Variants in PIEZO2 observed in about 807,000 individuals in gnomAD.
PIEZO2 encodes piezo-type mechanosensitive ion channel component 2.
In PIEZO2, 172 loss-of-function variants were observed where a neutral mutation model predicts 337.3. That is an observed-to-expected ratio of 0.51 (90% CI 0.45 to 0.58). PIEZO2 has a LOEUF of 0.58. Ranked by LOEUF, PIEZO2 falls within the 20% of genes least tolerant of loss-of-function variation. The pLI, the probability that PIEZO2 is intolerant of heterozygous loss-of-function variation, is 0.00. For missense variants in PIEZO2, 3,028 were observed against 3,391.3 expected, an observed-to-expected ratio of 0.89 and a Z score of 2.66; for synonymous variants, 1,251 against 1,228.5, an observed-to-expected ratio of 1.02 and a Z score of -0.38.
intron 2 of PIEZO2, among the ~76,000 whole-genome samples, chr18:11,045,164 GC>G (rs774107666): frequency 1.3e-5 from 2 of 151,636 alleles, no homozygotes; most frequent in Non-Finnish European, 2.9e-5. Context: ...GGGCATGGTG[GC>G]AGGCGACTGT....
At chr18:10,694,638 C>T (rs940898913) in intron 47 of PIEZO2, among the ~76,000 whole-genome samples, 1 of 152,098 alleles carries the variant, frequency 6.6e-6, no homozygotes, top group African/African-American at 2.4e-5. Context: ...TGAGACCAGC[C>T]TGGGTAACAT....
rs1361438041 is a variant in PIEZO2, at chr18:11,038,684, A to G, written c.160+27443T>C. Among the ~76,000 whole-genome samples, 2 of 152,220 alleles carry G rather than the reference A, an allele frequency of 1.3e-5. No homozygotes were observed. The highest frequency in any genetic ancestry group is 2.1e-4 in the South Asian group (1 of 4,832). The stretch of plus-strand genomic sequence containing the variant: ...CTCTACTGGCCCTACCACTTGCTTA[A>G]TAAGTGTTCTTGGGTAAATTATGTA... On this transcript the variant is annotated intron_variant, in intron 2 of 55. Transcript: ENST00000674853. This position sits in a 1 kb window ranked among gnomAD's most constrained non-coding sequence, Gnocchi z 4.1.
At chr18:10,747,017 A>G (rs940384352) in intron 30 of PIEZO2, among the ~76,000 whole-genome samples, 1 of 152,170 alleles carries the variant, frequency 6.6e-6, no homozygotes, top group East Asian at 1.9e-4. Flanking sequence ...ACCTCTTTGT[A>G]ACAGAGTTGG....
chr18:10,789,876 A>C (rs2039352199), intron 14 of PIEZO2, among the ~76,000 whole-genome samples: 1 of 152,240 alleles, frequency 6.6e-6, no homozygotes, highest in Admixed American at 6.5e-5. Context: ...TTGTAATTTA[A>C]GTTTAAAACA....
intron 2 of PIEZO2, among the ~76,000 whole-genome samples, chr18:11,052,935 C>G (rs916392821): frequency 2.7e-5 from 4 of 149,340 alleles, no homozygotes; most frequent in African/African-American, 9.9e-5. Context: ...TATTAAGTGA[C>G]TAGGTTTCCT....
chr18:11,120,315 T>C (rs1169587727), intron 1 of PIEZO2, among the ~76,000 whole-genome samples: 3 of 152,210 alleles, frequency 2.0e-5, no homozygotes, highest in Admixed American at 6.5e-5. Flanking sequence ...CCACAAAATA[T>C]GTTTTTTTTT....
At position 10,677,776 on chromosome 18, in the gene PIEZO2, G is replaced by C. The variant is rs779279278; in HGVS notation, c.8052C>G (p.Gly2684=). The change falls in exon 53 of 56, where the codon GGC becomes GGG. Residue 2684 remains glycine (G), a synonymous_variant. Coordinates refer to ENST00000674853, the MANE Select transcript of PIEZO2 (RefSeq NM_001378183.1). This position sits in a 1 kb window ranked among gnomAD's most constrained non-coding sequence, Gnocchi z 4.1. Reference sequence around the variant, plus strand: ...GTGTTTTTGAACTTTCTGTGCTGTTGCCTGCTATCATTTTAGCGATATTCT... The same window carrying C: ...GTGTTTTTGAACTTTCTGTGCTGTTCCCTGCTATCATTTTAGCGATATTCT... The part of the protein sequence containing the change: ...TRKNIAKMIA[G]NSTESSKTPV... The C allele has an allele frequency of 6.2e-7, 1 of 1,611,052 alleles. No individual in the cohort carries two copies. The highest frequency in any genetic ancestry group is 1.3e-5 in the African/African-American group (1 of 74,848).
chr18:11,129,468 TCTTA>T lies in PIEZO2; in HGVS notation c.64+19053_64+19056del, dbSNP rs2040278830. Reference sequence around the variant, plus strand: ...GAAATTGATAGGAAGCCTACTGCATTCTTACTTAAATTATACAAACAGAAAACTT... The same window carrying T: ...GAAATTGATAGGAAGCCTACTGCATTCTTAAATTATACAAACAGAAAACTT... On this transcript the variant is annotated intron_variant, in intron 1 of 55. Transcript: ENST00000674853. This position sits in a 1 kb window ranked among gnomAD's most constrained non-coding sequence, Gnocchi z 4.6. Among the ~76,000 whole-genome samples the T allele has an allele frequency of 6.6e-6, 1 of 152,116 alleles. No individual in the cohort carries two copies. The highest frequency in any genetic ancestry group is 2.1e-4 in the South Asian group (1 of 4,826).
rs1466176740 is a variant in PIEZO2 at position 10,677,608 on chromosome 18, G to T, written c.8081+139C>A. 9.7e-7 allele frequency: 1 copy of T among 1,030,948 alleles called. No individual in the cohort carries two copies. The highest frequency in any genetic ancestry group is 1.4e-6 in the Non-Finnish European group (1 of 705,790). 63.9% of individuals were successfully genotyped at this position (1,030,948 alleles called of 1,614,324 possible). On this transcript the variant is annotated intron_variant, in intron 53 of 55. Transcript: ENST00000674853. This position sits in a 1 kb window ranked among gnomAD's most constrained non-coding sequence, Gnocchi z 4.1. ...TTAAGTTTCTTTAATCTTGCAAAAT[G>T]GGGCCTCCAAATAGAAATTAACTTT...
chr18:10,961,803 C>T (rs2033793421), intron 3 of PIEZO2, among the ~76,000 whole-genome samples: 1 of 152,026 alleles, frequency 6.6e-6, no homozygotes, highest in African/African-American at 2.4e-5. Flanking sequence ...CAAGTCCACA[C>T]TTATCCAACC....
At position 11,002,318 on chromosome 18, in the gene PIEZO2, C is replaced by T. The variant is rs1007625048; in HGVS notation, c.161-22658G>A. On this transcript the variant is annotated intron_variant, in intron 2 of 55. Coordinates refer to ENST00000674853, the MANE Select transcript of PIEZO2 (RefSeq NM_001378183.1). This position sits in a 1 kb window ranked among gnomAD's most constrained non-coding sequence, Gnocchi z 4.3. ...AGGCTGTAGTTTGCTGATCCCTGCT[C>T]TAGCTGGAGAAAGCATACTTCAGAG... Among the ~76,000 whole-genome samples, 1 of 152,172 alleles carries T rather than the reference C, an allele frequency of 6.6e-6. No homozygotes were observed. The highest frequency in any genetic ancestry group is 1.5e-5 in the Non-Finnish European group (1 of 68,028).
chr18:10,953,380 C>T lies in PIEZO2; in HGVS notation c.286+26155G>A, dbSNP rs1184695956. On this transcript the variant is annotated intron_variant, in intron 3 of 55. Transcript: ENST00000674853. The surrounding 1 kb of genome is among the most constrained non-coding windows in gnomAD (Gnocchi z 5.2). ...TTTGCAAGAGTTTTATGGTTTCAAT[C>T]TTTGCATTTAGGTTTATGATTTGTT... Among the ~76,000 whole-genome samples the T allele has an allele frequency of 6.6e-6, 1 of 152,076 alleles. No homozygotes were observed. The highest frequency in any genetic ancestry group is 1.5e-5 in the Non-Finnish European group (1 of 68,020).
chr18:11,025,044 G>A (rs2036487336), intron 2 of PIEZO2, among the ~76,000 whole-genome samples: 1 of 151,964 alleles, frequency 6.6e-6, no homozygotes, highest in Admixed American at 6.6e-5. Flanking sequence ...TTACACGGAA[G>A]CATTTCTATA....
At position 10,672,791 on chromosome 18, in the gene PIEZO2, C is replaced by G; in HGVS notation, c.8244G>C (p.Leu2748=). The change falls in exon 55 of 56, where the codon CTG becomes CTC. Residue 2748 remains leucine (L), a synonymous_variant. Transcript: ENST00000674853. The surrounding 1 kb of genome is among the most constrained non-coding windows in gnomAD (Gnocchi z 4.7). ...TCGGATTGTATATTCTGTTTCCAGT[C>G]AGGTTGAGAACCCACCACTCACTGT... is the stretch of plus-strand genomic sequence containing the variant. ...KYNSEWWVLN[L]TGNRIYNPNS... The G allele has an allele frequency of 1.2e-6, 2 of 1,613,876 alleles. No individual in the cohort carries two copies. The highest frequency in any genetic ancestry group is 8.5e-7 in the Non-Finnish European group (1 of 1,179,800).
chr18:11,051,436 C>A (rs1409035133), intron 2 of PIEZO2, among the ~76,000 whole-genome samples: 4 of 151,498 alleles, frequency 2.6e-5, no homozygotes, highest in Admixed American at 2.6e-4. Context: ...GATGATTCTT[C>A]TAAAATAGTC....
At position 10,677,281 on chromosome 18, in the gene PIEZO2, G is replaced by A. The variant is rs571886055; in HGVS notation, c.8081+466C>T. ...TGCCCAGGCTGGAGTGCAGTGCTGC[G>A]ATCTAGGCTCACTGCAACCTCTGCC... On this transcript the variant is annotated intron_variant, in intron 53 of 55. Coordinates refer to ENST00000674853, the MANE Select transcript of PIEZO2 (RefSeq NM_001378183.1). This position sits in a 1 kb window ranked among gnomAD's most constrained non-coding sequence, Gnocchi z 4.1. 2.6e-5 allele frequency among the ~76,000 whole-genome samples: 4 copies of A among 152,048 alleles called. No individual in the cohort carries two copies. Among genetic ancestry groups the A allele is most frequent in the African/African-American group, 7.3e-5 (3 of 41,376 alleles).
intron 1 of PIEZO2, among the ~76,000 whole-genome samples, chr18:11,082,322 T>A (rs533673914): frequency 6.3e-5 from 8 of 127,854 alleles, no homozygotes; most frequent in Admixed American, 2.4e-4. Flanking sequence ...TTTTTCTTTT[T>A]CTTTTTTTTT....
In PIEZO2 at chr18:11,048,482, G is replaced by A. The variant is rs999853767; in HGVS notation, c.160+17645C>T. 6.6e-6 allele frequency among the ~76,000 whole-genome samples: 1 copy of A among 152,164 alleles called. No homozygotes were observed. The highest frequency in any genetic ancestry group is 1.5e-5 in the Non-Finnish European group (1 of 68,034). ...CTTAATGCTGAGGAAATACTAAAAG[G>A]CAGCTTAAAGCACAGTAATTGTCTA... On this transcript the variant is annotated intron_variant, in intron 2 of 55. Transcript: ENST00000674853. This position sits in a 1 kb window ranked among gnomAD's most constrained non-coding sequence, Gnocchi z 4.5.
intron 4 of PIEZO2, among the ~76,000 whole-genome samples, chr18:10,881,225 A>ATATG (rs375559674): frequency 6.7e-4 from 102 of 152,010 alleles, no homozygotes; most frequent in South Asian, 4.2e-3. Flanking sequence ...AGATATATAG[A>ATATG]TATGTATGTA....
Sources: allele counts gnomAD v4.1 joint callset (sites outside exome capture counted in the v4.1 genomes callset), GRCh38; gene constraint gnomAD v4.1.1; non-coding constraint Gnocchi (gnomAD v3.1); transcripts MANE v1.5; gene names NCBI Gene and HGNC (gene_info 2026-07-23, HGNC 2026-07-21).